CHN1: variants seen among roughly 807,000 people sequenced by gnomAD.
CHN1 encodes the protein chimerin 1.
A neutral mutation model predicts 59.5 loss-of-function variants in CHN1; 37 were observed. The ratio of observed to expected loss-of-function variants is 0.62; its 90% CI spans 0.48 to 0.82. The LOEUF (loss-of-function observed/expected upper bound fraction) is 0.82. Ranked by LOEUF, CHN1 falls within the 40% of genes least tolerant of loss-of-function variation. The pLI is 0.00. For synonymous variants in CHN1, 206 were observed against 200.4 expected (o/e 1.03, Z -0.24); for missense variants, 469 against 571.0 (o/e 0.82, Z 1.82).
intron 5 of CHN1, among the ~76,000 whole-genome samples, chr2:174,910,140 A>G (rs1208130052): frequency 1.3e-5 from 2 of 152,220 alleles, no homozygotes; most frequent in Non-Finnish European, 2.9e-5. Context: ...CATTACATAG[A>G]AAGTGTTCCT....
chr2:174,800,412 G>C, intron 12 of CHN1, 125 bp from the exon 13 acceptor site: 1 of 612,066 alleles, frequency 1.6e-6, no homozygotes, highest in Admixed American at 3.3e-5. Context: ...CTTCCACTAG[G>C]TTATTTCTCT....
intron 1 of CHN1, among the ~76,000 whole-genome samples, chr2:174,952,723 A>G (rs1690061706): frequency 6.6e-6 from 1 of 152,200 alleles, no homozygotes. Context: ...CAGTCCTCAC[A>G]CATCCTGGAC....
In CHN1 at chr2:175,005,108, T is replaced by G; in HGVS notation, c.-196A>C. 2 of 1,307,832 alleles carry G rather than the reference T, an allele frequency of 1.5e-6. No homozygotes were observed. 81.0% of individuals were successfully genotyped at this position (1,307,832 alleles called of 1,614,324 possible). A position where few individuals can be genotyped will look rare whatever the true frequency, so the allele number is the denominator to read the frequency against. ...GCAAGAAAAAGTTATTCACGCGTTA[T>G]TGTCGGGCGCACCGGGCCCAGGGAG... On this transcript the variant is annotated 5_prime_UTR_variant, in exon 1 of 13. Transcript: ENST00000409900.
chr2:174,819,564 T>C (rs946901543), intron 8 of CHN1, among the ~76,000 whole-genome samples: 1 of 152,208 alleles, frequency 6.6e-6, no homozygotes, highest in South Asian at 2.1e-4. Flanking sequence ...GATTACATAA[T>C]AATAGATTAC....
At chr2:174,953,878 T>C (rs1439819501) in intron 1 of CHN1, among the ~76,000 whole-genome samples, 1 of 152,158 alleles carries the variant, frequency 6.6e-6, no homozygotes, top group Non-Finnish European at 1.5e-5. Flanking sequence ...AAAAGTAATC[T>C]GCAAATTCAA....
At chr2:174,935,097 T>C (rs2105392624) in intron 3 of CHN1, among the ~76,000 whole-genome samples, 1 of 152,358 alleles carries the variant, frequency 6.6e-6, no homozygotes, top group South Asian at 2.1e-4. Flanking sequence ...TTATTACTAA[T>C]GCCTGGTTAG....
intron 2 of CHN1, among the ~76,000 whole-genome samples, chr2:174,948,288 G>A (rs1330596886): frequency 6.6e-6 from 1 of 152,156 alleles, no homozygotes; most frequent in Non-Finnish European, 1.5e-5. Flanking sequence ...TGAACCCAGA[G>A]TCTAACATGA....
chr2:174,812,279 C>CCACTGCAACCCG, intron 9 of CHN1, 30 bp downstream of exon 9: 1 of 1,581,612 alleles, frequency 6.3e-7, no homozygotes. Flanking sequence ...TGAACGGAGA[C>CCACTGCAACCCG]CACTGCAACC....
Position 174,871,059 on chromosome 2 carries a change from C to T in CHN1, c.549+6781G>A, listed in dbSNP as rs534206692. ...ATAAGATGGAAGGATGGATGAGATT[C>T]ACACAAATAATTTCCTGGGCCCCAT... On this transcript the variant is annotated intron_variant, in intron 6 of 12. Coordinates refer to ENST00000409900, the MANE Select transcript of CHN1 (RefSeq NM_001822.7). Among the ~76,000 whole-genome samples the T allele has an allele frequency of 8.7e-4, 132 of 152,048 alleles. 1 individual carries two copies. Among genetic ancestry groups the T allele is most frequent in the Non-Finnish European group, 1.6e-3 (108 of 67,952 alleles).
intron 11 of CHN1, among the ~76,000 whole-genome samples, chr2:174,803,369 A>G (rs2105372745): frequency 6.6e-6 from 1 of 152,322 alleles, no homozygotes; most frequent in South Asian, 2.1e-4. Flanking sequence ...AAATTTCTTC[A>G]CAGTTCCTGG....
At chr2:174,892,654 A>G (rs1248445307) in intron 5 of CHN1, among the ~76,000 whole-genome samples, 1 of 152,254 alleles carries the variant, frequency 6.6e-6, no homozygotes, top group Non-Finnish European at 1.5e-5. Context: ...CCAGACAAAG[A>G]TTACTACAAG....
chr2:174,952,089 A>G, intron 2 of CHN1, 75 bp downstream of exon 2: 1 of 909,110 alleles, frequency 1.1e-6, no homozygotes. Flanking sequence ...TGGAATGAGT[A>G]TTTCTATCTA....
At chr2:174,912,076 C>T (rs976652755) in intron 5 of CHN1, among the ~76,000 whole-genome samples, 1 of 152,062 alleles carries the variant, frequency 6.6e-6, no homozygotes, top group Non-Finnish European at 1.5e-5. Flanking sequence ...ACAGGTACAG[C>T]ACCCAGGGCT....
At chr2:174,907,019 T>G (rs1298647773) in intron 5 of CHN1, among the ~76,000 whole-genome samples, 1 of 152,196 alleles carries the variant, frequency 6.6e-6, no homozygotes, top group African/African-American at 2.4e-5. Flanking sequence ...AATCTTAATT[T>G]GTTAATTGAA....
intron 1 of CHN1, among the ~76,000 whole-genome samples, chr2:174,970,876 A>G (rs1430726605): frequency 6.6e-6 from 1 of 152,238 alleles, no homozygotes; most frequent in African/African-American, 2.4e-5. Context: ...ATATATCTGT[A>G]TAAGGCCAGA....
chr2:174,890,572 C>A (rs1290055299), intron 5 of CHN1, among the ~76,000 whole-genome samples: 2 of 151,864 alleles, frequency 1.3e-5, no homozygotes, highest in African/African-American at 4.8e-5. Flanking sequence ...TATTAGAGCA[C>A]CCAAATATAC....
At chr2:174,998,333 TAA>T (rs58157163) in intron 1 of CHN1, among the ~76,000 whole-genome samples, 2 of 132,018 alleles carry the variant, frequency 1.5e-5, no homozygotes, top group African/African-American at 5.7e-5. Flanking sequence ...GATACGAGAT[TAA>T]AAAAAAAAAC....
At chr2:174,861,353 A>T (rs532660510) in intron 6 of CHN1, among the ~76,000 whole-genome samples, 82 of 152,350 alleles carry the variant, frequency 5.4e-4, no homozygotes, top group African/African-American at 1.8e-3. Context: ...TACTGTTATC[A>T]TCATTAGCAT....
At chr2:174,921,071 A>G in intron 3 of CHN1, 1 of 389,736 alleles carries the variant, frequency 2.6e-6, no homozygotes, top group Non-Finnish European at 5.6e-6. Flanking sequence ...CTCAGGCAAT[A>G]ATGTGGGCAA....
Sources: allele counts gnomAD v4.1 joint callset (sites outside exome capture counted in the v4.1 genomes callset), GRCh38; gene constraint gnomAD v4.1.1; transcripts MANE v1.5; gene names NCBI Gene and HGNC (gene_info 2026-07-23, HGNC 2026-07-21).